The following NEDD9 variants were observed in gnomAD, a reference collection of about 807,000 sequenced individuals.
NEDD9 encodes the protein neural precursor cell expressed, developmentally down-regulated 9, also known as enhancer of filamentation 1.
In NEDD9, 26 loss-of-function variants were observed where a neutral mutation model predicts 76.6. The observed-to-expected ratio is 0.34, with a 90% CI of 0.25 to 0.47. NEDD9 has a LOEUF of 0.47. NEDD9 is among the 20% of genes least tolerant of loss of function. NEDD9 has a pLI of 1.00. For missense variants in NEDD9, 937 were observed against 1,058.5 expected (o/e 0.89, Z 1.59); for synonymous variants, 392 against 414.2 (o/e 0.95, Z 0.65).
intron 3 of NEDD9, among the ~76,000 whole-genome samples, chr6:11,300,659 G>T (rs1254507622): frequency 2.0e-5 from 3 of 152,112 alleles, no homozygotes; most frequent in African/African-American, 7.2e-5. Context: ...ACTAACAGCG[G>T]ATCTGTTGGC....
At chr6:11,222,654 A>C (rs980839581) in intron 1 of NEDD9, among the ~76,000 whole-genome samples, 3 of 152,266 alleles carry the variant, frequency 2.0e-5, no homozygotes, top group Admixed American at 6.5e-5. Context: ...GATGAGGTAC[A>C]TATTGTAGAG....
At chr6:11,249,595 A>C (rs1759874423) in intron 3 of NEDD9, among the ~76,000 whole-genome samples, 1 of 152,190 alleles carries the variant, frequency 6.6e-6, no homozygotes, top group Admixed American at 6.5e-5. Flanking sequence ...TGGGAGGTGT[A>C]GTCTCTATTC....
intron 2 of NEDD9, among the ~76,000 whole-genome samples, chr6:11,321,208 A>G (rs1200298666): frequency 1.9e-5 from 2 of 104,522 alleles, no homozygotes; most frequent in Non-Finnish European, 3.9e-5. Flanking sequence ...AGGGAGGGAA[A>G]GAAGGAAGGA....
chr6:11,341,616 C>T (rs748132581), intron 1 of NEDD9, among the ~76,000 whole-genome samples: 3 of 152,232 alleles, frequency 2.0e-5, no homozygotes, highest in Non-Finnish European at 4.4e-5. Flanking sequence ...CTCAGTCACA[C>T]TAGTCACATT....
At chr6:11,336,999 T>G (rs1582037428) in intron 1 of NEDD9, among the ~76,000 whole-genome samples, 1 of 152,246 alleles carries the variant, frequency 6.6e-6, no homozygotes, top group African/African-American at 2.4e-5. Flanking sequence ...GGCAGGCGGA[T>G]CATGAGGTCA....
rs1759940450 is a variant in NEDD9, at chr6:11,252,995, CATT to C, written c.13-39271_13-39269del. Among the ~76,000 whole-genome samples the C allele has an allele frequency of 6.6e-6, 1 of 151,884 alleles. No homozygotes were observed. Among genetic ancestry groups the C allele is most frequent in the Admixed American group, 6.6e-5 (1 of 15,266 alleles). ...TCCTGGCAGTTGCCTAAGAACAAAA[CATT>C]ATCTTGTGGGAGAGGAGTAGGGGCA... On this transcript the variant is annotated intron_variant, in intron 3 of 3. Transcript: ENST00000397378. This position sits in a 1 kb window ranked among gnomAD's most constrained non-coding sequence, Gnocchi z 4.3.
In NEDD9 at chr6:11,193,482, A is replaced by G; in HGVS notation, c.561+109T>C. On this transcript the variant is annotated intron_variant, in intron 3 of 6. Coordinates refer to ENST00000379446, the MANE Select transcript of NEDD9 (RefSeq NM_006403.4). ...GGGTAGACAACCTAAACAAAGCTTC[A>G]TATGACATATATTAATGCATAATTT... The G allele has an allele frequency of 4.3e-6, 3 of 703,076 alleles. No homozygotes were observed. In the Admixed American group the frequency reaches 8.7e-5, roughly 20 times the overall value. 43.6% of individuals were successfully genotyped at this position (703,076 alleles called of 1,614,324 possible). A position where few individuals can be genotyped will look rare whatever the true frequency, so the allele number is the denominator to read the frequency against.
At chr6:11,307,786 C>T (rs998231210) in intron 2 of NEDD9, among the ~76,000 whole-genome samples, 1 of 152,158 alleles carries the variant, frequency 6.6e-6, no homozygotes, top group Admixed American at 6.5e-5. Flanking sequence ...TGCCAGGACT[C>T]CAGAAGCTTT....
chr6:11,313,856 A>G (rs1271419369), intron 2 of NEDD9, among the ~76,000 whole-genome samples: 1 of 152,230 alleles, frequency 6.6e-6, no homozygotes, highest in Non-Finnish European at 1.5e-5. Flanking sequence ...TCATTGTTAA[A>G]AAATAAAAAA....
chr6:11,296,326 A>G (rs918199066), intron 3 of NEDD9, among the ~76,000 whole-genome samples: 2 of 152,194 alleles, frequency 1.3e-5, no homozygotes, highest in East Asian at 1.9e-4. Flanking sequence ...TTTCACTTTT[A>G]TACTTAAGGA....
chr6:11,323,586 A>C (rs1268076560), intron 2 of NEDD9, among the ~76,000 whole-genome samples: 1 of 152,256 alleles, frequency 6.6e-6, no homozygotes, highest in East Asian at 1.9e-4. Flanking sequence ...AGAGGCTGCT[A>C]AACATCCTAC....
At chr6:11,225,421 G>A (rs1759280909) in intron 1 of NEDD9, among the ~76,000 whole-genome samples, 1 of 152,196 alleles carries the variant, frequency 6.6e-6, no homozygotes, top group Admixed American at 6.5e-5. Flanking sequence ...CTTAGACACC[G>A]TGTAAGCACC....
At chr6:11,346,477 GC>G (rs57973517) in intron 1 of NEDD9, among the ~76,000 whole-genome samples, 3,544 of 145,002 alleles carry the variant, frequency 0.024, 141 homozygotes, top group East Asian at 0.15. Context: ...AGGCTCGGAG[GC>G]CCCCCCCCCC....
intron 1 of NEDD9, among the ~76,000 whole-genome samples, chr6:11,375,273 C>T (rs1762953436): frequency 6.6e-6 from 1 of 152,198 alleles, no homozygotes; most frequent in African/African-American, 2.4e-5. Flanking sequence ...GACCCTAGAG[C>T]AAGTCTTGGA....
At chr6:11,281,467 T>C (rs1157364642) in intron 3 of NEDD9, among the ~76,000 whole-genome samples, 1 of 152,228 alleles carries the variant, frequency 6.6e-6, no homozygotes, top group African/African-American at 2.4e-5. Flanking sequence ...CCTCTGGACA[T>C]TGGTGTGAGA....
chr6:11,322,852 C>T (rs1383073046), intron 2 of NEDD9, among the ~76,000 whole-genome samples: 1 of 152,178 alleles, frequency 6.6e-6, no homozygotes, highest in African/African-American at 2.4e-5. Flanking sequence ...TTCTTACATG[C>T]ACGAAGCCAG....
At chr6:11,365,024 G>A (rs1294659207) in intron 1 of NEDD9, among the ~76,000 whole-genome samples, 1 of 152,136 alleles carries the variant, frequency 6.6e-6, no homozygotes, top group South Asian at 2.1e-4. Context: ...AAAACTGACT[G>A]GAGCAAGAGT....
intron 3 of NEDD9, among the ~76,000 whole-genome samples, chr6:11,302,304 A>G (rs1290870784): frequency 6.6e-6 from 1 of 152,220 alleles, no homozygotes; most frequent in African/African-American, 2.4e-5. Flanking sequence ...CACTCTCTCA[A>G]GACTAAACCA....
chr6:11,354,823 G>A (rs1762535415), intron 1 of NEDD9, among the ~76,000 whole-genome samples: 1 of 152,130 alleles, frequency 6.6e-6, no homozygotes, highest in Admixed American at 6.5e-5. Flanking sequence ...CCCAAACAGA[G>A]TTCATCCTAG....
Sources: gnomAD v4.1 joint callset for allele counts (sites outside exome capture counted in the v4.1 genomes callset) on GRCh38, gnomAD v4.1.1 for gene constraint, Gnocchi (gnomAD v3.1) non-coding constraint, MANE v1.5 for transcripts, NCBI Gene and HGNC (gene_info 2026-07-23, HGNC 2026-07-21) for gene names.